ZNF429: variants seen among roughly 807,000 people sequenced by gnomAD.
The protein encoded by ZNF429 is zinc finger protein 429.
A neutral mutation model predicts 56.8 loss-of-function variants in ZNF429; 53 were observed. That is an observed-to-expected ratio of 0.93 (90% confidence interval 0.75 to 1.17). The LOEUF (loss-of-function observed/expected upper bound fraction) is 1.17, where lower values mean the gene tolerates loss of function less well. Among genes scored for constraint, ZNF429 ranks in the 50% most tolerant of loss-of-function variants. ZNF429 has a pLI of 0.00. For synonymous variants in ZNF429, 278 were observed against 264.7 expected (o/e 1.05, Z -0.49); for missense variants, 849 against 788.4 (o/e 1.08, Z -0.92).
intron 3 of ZNF429, 66 bp downstream of exon 3, chr19:21,530,750 C>T: frequency 8.6e-7 from 1 of 1,156,612 alleles, no homozygotes; most frequent in East Asian, 2.5e-5. Flanking sequence ...GAAAGCCAGT[C>T]CTTAACAATG....
In ZNF429 at chr19:21,539,942, T is replaced by C. The variant is rs974764396; in HGVS notation, c.*1864T>C. Among the ~76,000 whole-genome samples the C allele has an allele frequency of 3.3e-5, 5 of 152,152 alleles. No homozygotes were observed. The highest frequency in any genetic ancestry group is 7.2e-5 in the African/African-American group (3 of 41,438). ...GTAAGGACATTAAAATGTAAGATGC[T>C]TGATGAAAATCTAAGTGGAGAGGCT... is the stretch of plus-strand genomic sequence containing the variant. On this transcript the variant is annotated 3_prime_UTR_variant, in exon 4 of 4. Transcript: ENST00000358491.
chr19:21,519,877 T>TTG (rs2032925060), intron 1 of ZNF429, among the ~76,000 whole-genome samples: 1 of 151,554 alleles, frequency 6.6e-6, no homozygotes, highest in African/African-American at 2.4e-5. Context: ...TTTTTTTTTT[T>TTG]TTTTGAGACA....
At position 21,516,838 on chromosome 19, in the gene ZNF429, T is replaced by C. The variant is rs188301219; in HGVS notation, c.3+11064T>C. 3.0e-3 allele frequency among the ~76,000 whole-genome samples: 462 copies of C among 152,332 alleles called. 2 individuals are homozygous for C. The highest frequency in any genetic ancestry group is 0.01 in the African/African-American group (424 of 41,582). On this transcript the variant is annotated intron_variant, in intron 1 of 3. Transcript: ENST00000358491. ...AGTTGTTTTTCAGTCTAAAGAGCTT[T>C]TGCACCAAGACTATAGGGTTTTCTA...
At position 21,539,201 on chromosome 19, in the gene ZNF429, A is replaced by G. The variant is rs1340266996; in HGVS notation, c.*1123A>G. Among the ~76,000 whole-genome samples the G allele has an allele frequency of 6.6e-6, 1 of 152,156 alleles. No individual in the cohort carries two copies. Among genetic ancestry groups the G allele is most frequent in the Non-Finnish European group, 1.5e-5 (1 of 68,030 alleles). The stretch of plus-strand genomic sequence containing the variant: ...ACATAAATATCATACATAGATATGT[A>G]TGATATTGAATACATGTATTAAATA... On this transcript the variant is annotated 3_prime_UTR_variant, in exon 4 of 4. Coordinates refer to ENST00000358491, the MANE Select transcript of ZNF429 (RefSeq NM_001001415.4).
chr19:21,507,942 T>C (rs143043109), intron 1 of ZNF429, among the ~76,000 whole-genome samples: 15 of 152,288 alleles, frequency 9.8e-5, no homozygotes, highest in Non-Finnish European at 1.9e-4. Context: ...CTTGATTCTC[T>C]ACAATTTGTG....
chr19:21,527,953 T>C (rs1343500710), intron 1 of ZNF429, among the ~76,000 whole-genome samples: 13 of 152,184 alleles, frequency 8.5e-5, no homozygotes, highest in Admixed American at 8.5e-4. Context: ...CTTGCAAGCC[T>C]TTACTTCTCT....
At chr19:21,506,461 A>AAAAGGG (rs1555740405) in intron 1 of ZNF429, among the ~76,000 whole-genome samples, 2 of 147,282 alleles carry the variant, frequency 1.4e-5, no homozygotes, top group African/African-American at 5.0e-5. Context: ...AAAAAAAAAA[A>AAAAGGG]GGGGAGTCAC....
At chr19:21,522,850 C>G (rs1396564851) in intron 1 of ZNF429, among the ~76,000 whole-genome samples, 1 of 151,510 alleles carries the variant, frequency 6.6e-6, no homozygotes, top group East Asian at 1.9e-4. Flanking sequence ...GAGCCAAGAT[C>G]ATGCCATTGC....
At chr19:21,522,895 C>CAAAAAAAAAAA (rs34316111) in intron 1 of ZNF429, among the ~76,000 whole-genome samples, 1 of 136,616 alleles carries the variant, frequency 7.3e-6, no homozygotes, top group Non-Finnish European at 1.6e-5. Flanking sequence ...GACTCTGTCT[C>CAAAAAAAAAAA]AAAAAAAAAA....
intron 1 of ZNF429, among the ~76,000 whole-genome samples, chr19:21,512,957 C>T (rs867150719): frequency 2.7e-4 from 41 of 151,724 alleles, no homozygotes; most frequent in African/African-American, 8.5e-4. Context: ...CTGCAAGCTC[C>T]GCCTCCTGGG....
At chr19:21,520,298 G>A (rs1242235189) in intron 1 of ZNF429, among the ~76,000 whole-genome samples, 1 of 152,110 alleles carries the variant, frequency 6.6e-6, no homozygotes, top group East Asian at 1.9e-4. Flanking sequence ...GATGTCCAAG[G>A]GTTCAGGGAC....
intron 1 of ZNF429, among the ~76,000 whole-genome samples, chr19:21,528,310 T>G (rs577862662): frequency 6.6e-6 from 1 of 152,272 alleles, no homozygotes; most frequent in East Asian, 1.9e-4. Context: ...TTAAACAGGA[T>G]GGCATTTATC....
At position 21,537,142 on chromosome 19, in the gene ZNF429, T is replaced by A; in HGVS notation, c.1089T>A (p.His363Gln). ...SSTLTKHKVIHTGEKPYKCEE... is the reference protein window; with the variant it reads ...SSTLTKHKVIQTGEKPYKCEE... ...CTCTTACTAAACATAAGGTAATTCATACTGGAGAGAAGCCCTACAAATGTG... is the reference window on the plus strand; with the variant it reads ...CTCTTACTAAACATAAGGTAATTCAAACTGGAGAGAAGCCCTACAAATGTG... The change falls in exon 4 of 4, where the codon CAT becomes CAA. Residue 363 changes from histidine to glutamine, a missense_variant. His to Gln is a conservative substitution (Grantham distance 24, BLOSUM62 0). Transcript: ENST00000358491. 1 of 1,613,800 alleles carries A rather than the reference T, an allele frequency of 6.2e-7. No individual in the cohort carries two copies. The highest frequency in any genetic ancestry group is 1.1e-5 in the South Asian group (1 of 91,070).
chr19:21,522,502 A>G (rs1486413994), intron 1 of ZNF429, among the ~76,000 whole-genome samples: 1 of 152,192 alleles, frequency 6.6e-6, no homozygotes, highest in African/African-American at 2.4e-5. Context: ...ATATTTTCCA[A>G]ACACTATCTA....
At chr19:21,526,367 C>G (rs1195697085) in intron 1 of ZNF429, among the ~76,000 whole-genome samples, 2 of 152,120 alleles carry the variant, frequency 1.3e-5, no homozygotes, top group African/African-American at 4.8e-5. Context: ...GTCCATTGTA[C>G]CATTCCTATG....
At chr19:21,527,079 C>G (rs2562408) in intron 1 of ZNF429, among the ~76,000 whole-genome samples, 122,686 of 152,146 alleles carry the variant, frequency 0.81, 50,123 homozygotes, top group African/African-American at 0.94. Flanking sequence ...TGTATCAGAA[C>G]TTTTTGTGTT....
In ZNF429 at chr19:21,529,927, T is replaced by G; in HGVS notation, c.130+143T>G. Reference sequence around the variant, plus strand: ...TAAGAAAAGTTTGGGGCCGGGTGTCTTGGCTCACGCCTGTAATCCCAGCAC... The same window carrying G: ...TAAGAAAAGTTTGGGGCCGGGTGTCGTGGCTCACGCCTGTAATCCCAGCAC... On this transcript the variant is annotated intron_variant, in intron 2 of 3. Transcript: ENST00000358491. 1.6e-5 allele frequency: 9 copies of G among 550,780 alleles called. No homozygotes were observed. In the East Asian group the frequency reaches 3.4e-4, roughly 21 times the overall value. The allele number at this position is 550,780 out of a possible 1,614,324, so 34.1% of individuals were successfully genotyped here. A position where few individuals can be genotyped will look rare whatever the true frequency, so the allele number is the denominator to read the frequency against.
rs148740939 is a variant in ZNF429 at position 21,505,650 on chromosome 19, C to T, written c.-122C>T. 1,920 of 1,068,842 alleles carry T rather than the reference C, an allele frequency of 1.8e-3. 26 individuals carry two copies. In the African/African-American group the frequency reaches 0.025, roughly 14 times the overall value. The allele number at this position is 1,068,842 out of a possible 1,614,324, so 66.2% of individuals were successfully genotyped here. ...CGTTTGGCTCTTGCTGCAGCCAGAGCTCCAGGTCTCGTCTTCATTTCTGTG... is the reference window on the plus strand; with the variant it reads ...CGTTTGGCTCTTGCTGCAGCCAGAGTTCCAGGTCTCGTCTTCATTTCTGTG... On this transcript the variant is annotated 5_prime_UTR_variant, in exon 1 of 4. Transcript: ENST00000358491.
At chr19:21,532,975 A>G in intron 3 of ZNF429, among the ~76,000 whole-genome samples, 1 of 151,326 alleles carries the variant, frequency 6.6e-6, no homozygotes, top group Admixed American at 6.6e-5. Context: ...GATTACAGGC[A>G]TGATCCACCT....
Sources: allele counts gnomAD v4.1 joint callset (sites outside exome capture counted in the v4.1 genomes callset), GRCh38; gene constraint gnomAD v4.1.1; transcripts MANE v1.5; gene names NCBI Gene and HGNC (gene_info 2026-07-23, HGNC 2026-07-21).